The following RAB11FIP3 variants were observed in gnomAD, a reference collection of about 807,000 sequenced individuals.
RAB11FIP3 encodes the protein rab11 family-interacting protein 3.
A neutral mutation model predicts 77.8 loss-of-function variants in RAB11FIP3; 17 were observed. That is an observed-to-expected ratio of 0.22 (90% CI 0.15 to 0.33). The LOEUF is 0.33. Ranked by LOEUF, RAB11FIP3 falls within the 10% of genes least tolerant of loss-of-function variation. The pLI is 1.00. For missense variants in RAB11FIP3, 1,005 were observed against 1,011.2 expected (o/e 0.99, Z 0.08); for synonymous variants, 437 against 448.2 (o/e 0.98, Z 0.31).
chr16:429,430 T>C (rs529339495), intron 1 of RAB11FIP3, among the ~76,000 whole-genome samples: 1 of 152,228 alleles, frequency 6.6e-6, no homozygotes, highest in South Asian at 2.1e-4. Flanking sequence ...TTTCAAAATA[T>C]TGAGCACATG....
At chr16:515,263 A>G (rs559156887) in intron 9 of RAB11FIP3, among the ~76,000 whole-genome samples, 19 of 152,370 alleles carry the variant, frequency 1.2e-4, no homozygotes, top group Non-Finnish European at 2.4e-4. Flanking sequence ...AAAACATGCA[A>G]GTGTTACTTT....
chr16:514,091 A>G lies in RAB11FIP3; in HGVS notation c.1640+3291A>G, dbSNP rs569617028. ...GGCCCTCAGGGAGCAAGCAGGGCCC[A>G]GTGTCACTGCCTCTTGTGAGCAAGC... On this transcript the variant is annotated intron_variant, in intron 9 of 13. Coordinates refer to ENST00000262305, the MANE Select transcript of RAB11FIP3 (RefSeq NM_014700.4). This position sits in a 1 kb window ranked among gnomAD's most constrained non-coding sequence, Gnocchi z 4.6. Among the ~76,000 whole-genome samples the G allele has an allele frequency of 1.4e-4, 22 of 152,334 alleles. No homozygotes were observed. The East Asian group carries it at 4.2e-3, about 29-fold the overall frequency.
chr16:482,703 C>G lies in RAB11FIP3; in HGVS notation c.1082C>G (p.Pro361Arg), dbSNP rs1369593059. The change falls in exon 4 of 14, where the codon CCC becomes CGC. Residue 361 changes from proline to arginine, a missense_variant. Physicochemically the swap from Pro to Arg is moderately radical, Grantham distance 103. Around this residue, in one of 4 missense-constraint regions of RAB11FIP3, gnomAD observed 433 missense variants for 436.1 expected, o/e 0.99. Coordinates refer to ENST00000262305, the MANE Select transcript of RAB11FIP3 (RefSeq NM_014700.4). Reference protein sequence around the residue: ...PSECLDAMEEPDHGALLLLPG... With the variant: ...PSECLDAMEERDHGALLLLPG... ...GAGTGCCTGGACGCCATGGAGGAGC[C>G]CGACCATGGTGCCCTGCTGCTGCTC... 1 of 1,610,476 alleles carries G rather than the reference C, an allele frequency of 6.2e-7. No homozygotes were observed. Among genetic ancestry groups the G allele is most frequent in the South Asian group, 1.1e-5 (1 of 90,804 alleles).
intron 1 of RAB11FIP3, among the ~76,000 whole-genome samples, chr16:432,196 G>T (rs2055048679): frequency 6.6e-6 from 1 of 152,144 alleles, no homozygotes; most frequent in Non-Finnish European, 1.5e-5. Flanking sequence ...GGCCAACATG[G>T]TGAAACCCCA....
At chr16:464,032 T>C (rs2055661943) in intron 2 of RAB11FIP3, among the ~76,000 whole-genome samples, 1 of 152,074 alleles carries the variant, frequency 6.6e-6, no homozygotes, top group African/African-American at 2.4e-5. Flanking sequence ...GAGGAAGCAG[T>C]CCTGAGGTGG....
chr16:488,871 C>T lies in RAB11FIP3; in HGVS notation c.1136C>T (p.Ser379Phe). 1 of 1,614,082 alleles carries T rather than the reference C, an allele frequency of 6.2e-7. No individual in the cohort carries two copies. Among genetic ancestry groups the T allele is most frequent in the Non-Finnish European group, 8.5e-7 (1 of 1,179,998 alleles). The change falls in exon 5 of 14, where the codon TCT (serine) becomes TTT (phenylalanine). Residue 379 changes from serine (S) to phenylalanine (F), a missense_variant. By Grantham distance (155) the Ser-to-Phe change is radical. Around this residue, in one of 4 missense-constraint regions of RAB11FIP3, gnomAD observed 433 missense variants for 436.1 expected, o/e 0.99. Coordinates refer to ENST00000262305, the MANE Select transcript of RAB11FIP3 (RefSeq NM_014700.4). The part of the protein sequence containing the change: ...LPGRPHPHGQ[S>F]VITVIGGEEH... ...TGCAGGCCTCACCCCCATGGCCAGT[C>T]TGTCATCACGGTGATCGGGGGCGAG... is the stretch of plus-strand genomic sequence containing the variant.
chr16:494,281 C>G (rs2030901533), intron 5 of RAB11FIP3, among the ~76,000 whole-genome samples: 1 of 151,286 alleles, frequency 6.6e-6, no homozygotes, highest in Admixed American at 6.6e-5. Flanking sequence ...ATGAGTCTGT[C>G]CTGTCCTATT....
chr16:433,773 G>A (rs146230586), intron 1 of RAB11FIP3, among the ~76,000 whole-genome samples: 1,881 of 151,156 alleles, frequency 0.012, 31 homozygotes, highest in African/African-American at 0.042. Context: ...GGAGAATGGC[G>A]TGAACCTGGG....
At chr16:439,492 G>A (rs1054083030) in intron 1 of RAB11FIP3, 6 of 152,246 alleles carry the variant, frequency 3.9e-5, no homozygotes, top group African/African-American at 1.4e-4. Flanking sequence ...TGTTGAGCCA[G>A]TGTCCTGTGT....
At chr16:476,246 C>G (rs2141701533) in intron 3 of RAB11FIP3, among the ~76,000 whole-genome samples, 1 of 152,332 alleles carries the variant, frequency 6.6e-6, no homozygotes, top group East Asian at 1.9e-4. Context: ...ATCCAGCTTA[C>G]AGGGAGTCTG....
chr16:478,704 G>A (rs986612380), intron 3 of RAB11FIP3, among the ~76,000 whole-genome samples: 1 of 152,182 alleles, frequency 6.6e-6, no homozygotes, highest in Non-Finnish European at 1.5e-5. Flanking sequence ...GGTGGCTCAC[G>A]CCTATAATCC....
Position 516,966 on chromosome 16 carries a change from G to A in RAB11FIP3, c.1641-1977G>A, listed in dbSNP as rs1333330002. ...GAGGCGGGGGCTGGACCCAGTGAGC[G>A]GCTTCCAGAGGACAGAGCGGGCGGG... On this transcript the variant is annotated intron_variant, in intron 9 of 13. Coordinates refer to ENST00000262305, the MANE Select transcript of RAB11FIP3 (RefSeq NM_014700.4). 2.0e-5 allele frequency among the ~76,000 whole-genome samples: 3 copies of A among 152,344 alleles called. No individual in the cohort carries two copies. The East Asian group carries it at 5.8e-4, about 29-fold the overall frequency.
At chr16:503,778 GCTGAGGCAGGAGAATCACTTGAAC>G (rs958844476) in intron 7 of RAB11FIP3, among the ~76,000 whole-genome samples, 3 of 152,004 alleles carry the variant, frequency 2.0e-5, no homozygotes, top group Non-Finnish European at 4.4e-5. Context: ...TATTTGGGAG[GCTGAGGCAGGAGAATCACTTGAAC>G]CTGGGAGGTG....
In RAB11FIP3 at chr16:425,709, C is replaced by T. The variant is rs1053905726; in HGVS notation, c.-298C>T. 6.8e-6 allele frequency: 2 copies of T among 294,232 alleles called. No homozygotes were observed. The highest frequency in any genetic ancestry group is 2.2e-5 in the African/African-American group (1 of 44,702). 18.2% of individuals were successfully genotyped at this position (294,232 alleles called of 1,614,324 possible). A position where few individuals can be genotyped will look rare whatever the true frequency, so the allele number is the denominator to read the frequency against. On this transcript the variant is annotated 5_prime_UTR_variant, in exon 1 of 14. Coordinates refer to ENST00000262305, the MANE Select transcript of RAB11FIP3 (RefSeq NM_014700.4). ...CCGCGGCCTCCGGCCTCCTCGGCCCCCGTCCCCCGGCCTCCTCGGCCCCCG... is the reference window on the plus strand; with the variant it reads ...CCGCGGCCTCCGGCCTCCTCGGCCCTCGTCCCCCGGCCTCCTCGGCCCCCG...
chr16:491,357 G>A (rs2030168234), intron 5 of RAB11FIP3: 1 of 1,220,040 alleles, frequency 8.2e-7, no homozygotes, highest in Non-Finnish European at 1.1e-6. Context: ...CTGCCCCGAG[G>A]CGACCAGGAG....
rs112282971 is a variant in RAB11FIP3 at position 458,540 on chromosome 16, C to T, written c.715-2864C>T. ...GGGCCTTCCTCGGGTTCACCGATGC[C>T]CACAGGGCCTGGGGGGCCTTCCTCG... On this transcript the variant is annotated intron_variant, in intron 1 of 13. Transcript: ENST00000262305. Among the ~76,000 whole-genome samples, 307 of 30,824 alleles carry T rather than the reference C, an allele frequency of 1.0e-2. 1 individual carries two copies. Among genetic ancestry groups the T allele is most frequent in the Middle Eastern group, 0.021 (1 of 48 alleles). The allele number at this position is 30,824 out of a possible 152,430, so 20.2% of individuals were successfully genotyped here.
chr16:437,570 C>CAAAAA (rs34184576), intron 1 of RAB11FIP3, among the ~76,000 whole-genome samples: 4 of 58,978 alleles, frequency 6.8e-5, no homozygotes, highest in Admixed American at 2.1e-4. Flanking sequence ...AACTCCATCT[C>CAAAAA]AAAAAAAAAA....
At position 507,995 on chromosome 16, in the gene RAB11FIP3, T is replaced by C. The variant is rs1307106613; in HGVS notation, c.1499+2368T>C. Among the ~76,000 whole-genome samples the C allele has an allele frequency of 6.6e-6, 1 of 152,256 alleles. No homozygotes were observed. The highest frequency in any genetic ancestry group is 1.9e-4 in the East Asian group (1 of 5,206). ...CATCCTAGGAATTCCGAGTGCTTTC[T>C]CCTGTGTTTGATTCCTTATTTTCTG... On this transcript the variant is annotated intron_variant, in intron 8 of 13. Coordinates refer to ENST00000262305, the MANE Select transcript of RAB11FIP3 (RefSeq NM_014700.4). This position sits in a 1 kb window ranked among gnomAD's most constrained non-coding sequence, Gnocchi z 4.6.
intron 1 of RAB11FIP3, among the ~76,000 whole-genome samples, chr16:433,056 C>G (rs1297580068): frequency 1.0e-5 from 1 of 100,212 alleles, no homozygotes; most frequent in Non-Finnish European, 1.9e-5. Context: ...TTTTTTGAGA[C>G]ATAGTCTCTG....
Sources: allele counts gnomAD v4.1 joint callset (sites outside exome capture counted in the v4.1 genomes callset), GRCh38; gene constraint gnomAD v4.1.1; regional missense constraint gnomAD v4.1.1; non-coding constraint Gnocchi (gnomAD v3.1); transcripts MANE v1.5; gene names NCBI Gene and HGNC (gene_info 2026-07-23, HGNC 2026-07-21).